The following TEX15 variants were observed in gnomAD, a reference collection of about 807,000 sequenced individuals.
TEX15 encodes the protein testis expressed 15, meiosis and synapsis associated.
A neutral mutation model predicts 237.3 loss-of-function variants in TEX15; 171 were observed. The ratio of observed to expected loss-of-function variants is 0.72; its 90% CI spans 0.64 to 0.82. The LOEUF (loss-of-function observed/expected upper bound fraction) is 0.82. Ranked by LOEUF, TEX15 falls within the 40% of genes least tolerant of loss-of-function variation. TEX15 has a pLI of 0.00. For synonymous variants in TEX15, 1,338 were observed against 1,269.8 expected, an observed-to-expected ratio of 1.05 and a Z score of -1.14; for missense variants, 3,750 against 3,646.5, an observed-to-expected ratio of 1.03 and a Z score of -0.73.
intron 9 of TEX15, among the ~76,000 whole-genome samples, chr8:30,838,876 C>T (rs1463952903): frequency 6.9e-6 from 1 of 145,108 alleles, no homozygotes; most frequent in Non-Finnish European, 1.5e-5. Context: ...AGTGCAGCAG[C>T]ACCATCTCAG....
At chr8:30,849,583 GA>G (rs954569688) in intron 7 of TEX15, among the ~76,000 whole-genome samples, 3 of 151,808 alleles carry the variant, frequency 2.0e-5, no homozygotes, top group Admixed American at 1.3e-4. Context: ...ACAAATAATA[GA>G]AAAAAAATGA....
At chr8:30,852,303 C>T (rs1331489829) in intron 7 of TEX15, among the ~76,000 whole-genome samples, 1 of 151,700 alleles carries the variant, frequency 6.6e-6, no homozygotes. Context: ...GACAGGGTTT[C>T]ACCGTGGTCT....
chr8:30,858,917 A>G (rs961094205), intron 6 of TEX15, 87 bp from the exon 7 acceptor site: 5 of 861,518 alleles, frequency 5.8e-6, no homozygotes, highest in African/African-American at 5.2e-5. Flanking sequence ...ATATAATTGC[A>G]TATTATTTAT....
chr8:30,888,345 T>C (rs901358073), intron 2 of TEX15, among the ~76,000 whole-genome samples: 21 of 152,234 alleles, frequency 1.4e-4, no homozygotes, highest in Admixed American at 1.1e-3. Context: ...TTGCTGACTA[T>C]TCCTACAGCT....
At chr8:30,887,076 T>C in intron 3 of TEX15, 91 bp downstream of exon 3, 1 of 1,194,294 alleles carries the variant, frequency 8.4e-7, no homozygotes, top group Non-Finnish European at 1.1e-6. Context: ...CCTAATTTTA[T>C]ATAGAGTCAA....
At chr8:30,870,749 C>T (rs944766655) in intron 4 of TEX15, among the ~76,000 whole-genome samples, 1 of 152,180 alleles carries the variant, frequency 6.6e-6, no homozygotes, top group Admixed American at 6.6e-5. Flanking sequence ...TGCCACCCAA[C>T]TCCAGATGTA....
rs200828763 is a variant in TEX15 at position 30,836,805 on chromosome 8, T to C, written c.9479A>G (p.Tyr3160Cys). ...AGGCATTAAAATGTGAAACTCACCA[T>C]AAACCCAAGGAACTTCTGGAGGCAC... is the stretch of plus-strand genomic sequence containing the variant. ...RFVPPEVPWV[Y>C]APWHQESFHP... is the part of the protein sequence containing the mutation. The change falls in exon 10 of 11, where the codon TAT becomes TGT. Residue 3160 changes from tyrosine to cysteine, a missense_variant and splice_region_variant. Tyr to Cys is a radical substitution (Grantham distance 194). Transcript: ENST00000643185. The C allele has an allele frequency of 1.6e-4, 249 of 1,594,782 alleles. No individual in the cohort carries two copies. Among genetic ancestry groups the C allele is most frequent in the Non-Finnish European group, 2.0e-4 (232 of 1,172,126 alleles).
At chr8:30,859,762 A>C (rs1808001391) in intron 6 of TEX15, 149 bp downstream of exon 6, 10 of 609,500 alleles carry the variant, frequency 1.6e-5, no homozygotes, top group Non-Finnish European at 2.4e-5. Context: ...ATTCCATACA[A>C]CAAATATTAA....
chr8:30,840,009 A>G, intron 8 of TEX15, 45 bp from the exon 9 acceptor site: 1 of 1,169,368 alleles, frequency 8.6e-7, no homozygotes, highest in Non-Finnish European at 1.2e-6. Flanking sequence ...GTGATGACAA[A>G]CTATAATAAA....
At position 30,842,415 on chromosome 8, in the gene TEX15, T is replaced by C; in HGVS notation, c.7752A>G (p.Leu2584=). 6.2e-7 allele frequency: 1 copy of C among 1,613,736 alleles called. No individual in the cohort carries two copies. Among genetic ancestry groups the C allele is most frequent in the Non-Finnish European group, 8.5e-7 (1 of 1,179,828 alleles). ...TAGAAAATTGATTGTAGTTGTATTC[T>C]AACTCTGTCACAGTGCTTCCATAAT... ...SINYGSTVTE[L]EYNYNQFSTL... is the part of the protein sequence containing the mutation. The change falls in exon 8 of 11, where the codon TTA becomes TTG. Residue 2584 remains leucine, a synonymous_variant. Coordinates refer to ENST00000643185, the MANE Select transcript of TEX15 (RefSeq NM_001350162.2).
intron 7 of TEX15, among the ~76,000 whole-genome samples, chr8:30,852,413 AC>A (rs576404264): frequency 8.6e-4 from 131 of 152,218 alleles, no homozygotes; most frequent in African/African-American, 3.0e-3. Flanking sequence ...AATCTTAATA[AC>A]ATTTCCATTT....
chr8:30,907,668 A>C (rs1191892950), intron 1 of TEX15, among the ~76,000 whole-genome samples: 1 of 139,398 alleles, frequency 7.2e-6, no homozygotes, highest in Non-Finnish European at 1.6e-5. Flanking sequence ...TAATTTATAT[A>C]TAAATTATAT....
At chr8:30,839,844 G>C (rs972752237) in intron 9 of TEX15, 62 bp downstream of exon 9, 1 of 1,030,978 alleles carries the variant, frequency 9.7e-7, no homozygotes, top group Non-Finnish European at 1.5e-6. Flanking sequence ...TATTCTAGTT[G>C]TTTAGTATTT....
intron 3 of TEX15, among the ~76,000 whole-genome samples, chr8:30,876,796 A>T (rs373032593): frequency 2.6e-5 from 4 of 152,286 alleles, no homozygotes; most frequent in African/African-American, 9.6e-5. Context: ...CTGTGTCCCT[A>T]CCCAGATCTC....
intron 3 of TEX15, among the ~76,000 whole-genome samples, chr8:30,884,349 A>G (rs1035730547): frequency 6.6e-6 from 1 of 152,204 alleles, no homozygotes; most frequent in Admixed American, 6.5e-5. Flanking sequence ...CTCCTCTAAA[A>G]GCATGAGTCA....
intron 10 of TEX15, among the ~76,000 whole-genome samples, chr8:30,835,118 A>ATAT (rs1554487787): frequency 3.3e-5 from 5 of 151,786 alleles, no homozygotes; most frequent in African/African-American, 1.2e-4. Context: ...ATATATATAT[A>ATAT]TTTTTTGGGA....
rs768266759 is a variant in TEX15 at position 30,843,477 on chromosome 8, C to T, written c.6690G>A (p.Ser2230=). The change falls in exon 8 of 11, where the codon TCG becomes TCA. Residue 2230 remains serine, a synonymous_variant. Coordinates refer to ENST00000643185, the MANE Select transcript of TEX15 (RefSeq NM_001350162.2). ...ACAGATGGTCCTGTTTTCCTGGATA[C>T]GAATGAACTTTAGGAGAGTCCCCAC... ...NVCGDSPKVH[S]YPGKQDHLWI... is the part of the protein sequence containing the mutation. 85 of 1,612,502 alleles carry T rather than the reference C, an allele frequency of 5.3e-5. No homozygotes were observed. Among genetic ancestry groups the T allele is most frequent in the Non-Finnish European group, 7.0e-5 (82 of 1,179,494 alleles).
chr8:30,833,236 A>G lies in TEX15; in HGVS notation c.*50T>C. On this transcript the variant is annotated 3_prime_UTR_variant, in exon 11 of 11. Coordinates refer to ENST00000643185, the MANE Select transcript of TEX15 (RefSeq NM_001350162.2). ...ATGTTAAAAAATATATAAGTAAAAA[A>G]TATTTGGAAAAACTTGTTATGTCTT... is the stretch of plus-strand genomic sequence containing the variant. 1 of 1,319,890 alleles carries G rather than the reference A, an allele frequency of 7.6e-7. No individual in the cohort carries two copies. The highest frequency in any genetic ancestry group is 1.4e-5 in the South Asian group (1 of 72,330). The allele number at this position is 1,319,890 out of a possible 1,614,324, so 81.8% of individuals were successfully genotyped here.
chr8:30,846,666 T>C lies in TEX15; in HGVS notation c.3501A>G (p.Gly1167=), dbSNP rs1330495710. The C allele has an allele frequency of 6.2e-7, 1 of 1,613,890 alleles. No individual in the cohort carries two copies. The highest frequency in any genetic ancestry group is 1.7e-5 in the Admixed American group (1 of 60,002). The change falls in exon 8 of 11, where the codon GGA becomes GGG. Residue 1167 remains glycine (G), a synonymous_variant. Transcript: ENST00000643185. ...QIKITNIFRP[G]FSPTADSLAL... is the part of the protein sequence containing the mutation. Reference sequence around the variant, plus strand: ...CAAGGGAGTCAGCTGTCGGGCTGAATCCTGGCCTAAATATATTAGTAATTT... The same window carrying C: ...CAAGGGAGTCAGCTGTCGGGCTGAACCCTGGCCTAAATATATTAGTAATTT...
Sources: gnomAD v4.1 joint callset for allele counts (sites outside exome capture counted in the v4.1 genomes callset) on GRCh38, gnomAD v4.1.1 for gene constraint, MANE v1.5 for transcripts, NCBI Gene and HGNC (gene_info 2026-07-23, HGNC 2026-07-21) for gene names.